Variants in WDR70 observed in about 807,000 individuals in gnomAD.
WDR70 encodes WD repeat-containing protein 70.
WDR70 carries 53 observed loss-of-function variants against 88.6 expected under a neutral mutation model. That is an observed-to-expected ratio of 0.60 (90% CI 0.48 to 0.75). The LOEUF (loss-of-function observed/expected upper bound fraction) is 0.75. Among genes scored for constraint, WDR70 ranks in the 30% least tolerant of loss-of-function variants. WDR70 has a pLI of 0.00. For missense variants in WDR70, 610 were observed against 823.2 expected, an observed-to-expected ratio of 0.74 and a Z score of 3.17; for synonymous variants, 280 against 270.0, an observed-to-expected ratio of 1.04 and a Z score of -0.36.
At chr5:37,676,279 G>C (rs934432437) in intron 10 of WDR70, among the ~76,000 whole-genome samples, 4,902 of 151,424 alleles carry the variant, frequency 0.032, 287 homozygotes, top group African/African-American at 0.11. Flanking sequence ...ATGTTGAATA[G>C]GAGTGGTGAG....
At chr5:37,511,086 G>A (rs1162728280) in intron 8 of WDR70, among the ~76,000 whole-genome samples, 1 of 152,154 alleles carries the variant, frequency 6.6e-6, no homozygotes, top group Non-Finnish European at 1.5e-5. Context: ...TTTGCAGGGA[G>A]ATTTTGAGGC....
chr5:37,727,149 A>C, intron 17 of WDR70, 104 bp downstream of exon 17: 5 of 1,387,864 alleles, frequency 3.6e-6, no homozygotes, highest in Non-Finnish European at 3.9e-6. Context: ...TTCTTATTTC[A>C]TACTTAGATA....
intron 3 of WDR70, among the ~76,000 whole-genome samples, chr5:37,391,312 A>T (rs1215483369): frequency 6.6e-6 from 1 of 152,172 alleles, no homozygotes; most frequent in Non-Finnish European, 1.5e-5. Context: ...TACCATCTTA[A>T]TATTTAAGTG....
At chr5:37,635,311 T>G (rs569804399) in intron 10 of WDR70, among the ~76,000 whole-genome samples, 6 of 152,302 alleles carry the variant, frequency 3.9e-5, no homozygotes, top group Admixed American at 3.9e-4. Flanking sequence ...GATCCTGCAC[T>G]GTGGTGTGGA....
chr5:37,388,637 G>A (rs1389506322), intron 3 of WDR70, among the ~76,000 whole-genome samples: 4 of 150,876 alleles, frequency 2.7e-5, no homozygotes, highest in Non-Finnish European at 5.9e-5. Flanking sequence ...CTGCTCGGGA[G>A]GCTTAGGCAG....
intron 10 of WDR70, among the ~76,000 whole-genome samples, chr5:37,683,711 C>G (rs889042330): frequency 1.3e-5 from 2 of 152,200 alleles, no homozygotes; most frequent in African/African-American, 4.8e-5. Context: ...GAGAGGTCCA[C>G]TCTTAGTTTA....
At chr5:37,467,354 G>A (rs1561863231) in intron 7 of WDR70, among the ~76,000 whole-genome samples, 1 of 151,954 alleles carries the variant, frequency 6.6e-6, no homozygotes, top group Non-Finnish European at 1.5e-5. Context: ...ATTGGAAATG[G>A]CCATCTTCTC....
At chr5:37,384,660 C>CAA (rs70978807) in intron 3 of WDR70, among the ~76,000 whole-genome samples, 10,122 of 59,096 alleles carry the variant, frequency 0.17, 1,720 homozygotes, top group East Asian at 0.31. Flanking sequence ...ACTCTTGTCT[C>CAA]AAAAAAAAAA....
chr5:37,580,078 A>G (rs1248935741), intron 9 of WDR70, among the ~76,000 whole-genome samples: 1 of 152,218 alleles, frequency 6.6e-6, no homozygotes, highest in Non-Finnish European at 1.5e-5. Context: ...ATGGAATTAT[A>G]CTGTCCATAG....
chr5:37,681,518 T>A (rs1018113679), intron 10 of WDR70, among the ~76,000 whole-genome samples: 1 of 152,096 alleles, frequency 6.6e-6, no homozygotes, highest in Admixed American at 6.6e-5. Flanking sequence ...GGTTTCAAGA[T>A]CAATGCATCC....
At chr5:37,399,836 T>C (rs1413776590) in intron 5 of WDR70, among the ~76,000 whole-genome samples, 1 of 151,908 alleles carries the variant, frequency 6.6e-6, no homozygotes, top group East Asian at 1.9e-4. Flanking sequence ...GAGACCCGAG[T>C]AGGTGAGTGT....
chr5:37,714,854 T>G (rs971464824), intron 13 of WDR70, among the ~76,000 whole-genome samples: 4 of 152,220 alleles, frequency 2.6e-5, no homozygotes, highest in Non-Finnish European at 4.4e-5. Flanking sequence ...TGGAGCAAAC[T>G]TTTACTGTTT....
intron 7 of WDR70, among the ~76,000 whole-genome samples, chr5:37,454,364 G>A (rs1263358182): frequency 6.6e-6 from 1 of 152,060 alleles, no homozygotes; most frequent in South Asian, 2.1e-4. Flanking sequence ...TGAATAGTGA[G>A]TTTTATTGCA....
At chr5:37,409,505 CTTTT>C (rs70978811) in intron 5 of WDR70, among the ~76,000 whole-genome samples, 5 of 138,196 alleles carry the variant, frequency 3.6e-5, no homozygotes, top group Non-Finnish European at 8.0e-5. Flanking sequence ...ACTGGCCTTA[CTTTT>C]TTTTTTTTTT....
Position 37,379,485 on chromosome 5 carries a change from C to T in WDR70, c.26-4C>T. On this transcript the variant is annotated splice_polypyrimidine_tract_variant and splice_region_variant and intron_variant, in intron 1 of 17. Coordinates refer to ENST00000265107, the MANE Select transcript of WDR70 (RefSeq NM_018034.4). The stretch of plus-strand genomic sequence containing the variant: ...AGGCCGCCTCTCTTTTCCTCTTGCT[C>T]CAGTGACAGGCTCAGACGCGTCGGG... 2 of 1,613,958 alleles carry T rather than the reference C, an allele frequency of 1.2e-6. No individual in the cohort carries two copies. The highest frequency in any genetic ancestry group is 1.7e-6 in the Non-Finnish European group (2 of 1,179,862).
At chr5:37,415,883 G>T (rs1486370877) in intron 5 of WDR70, among the ~76,000 whole-genome samples, 4 of 147,860 alleles carry the variant, frequency 2.7e-5, no homozygotes, top group Admixed American at 6.8e-5. Context: ...GGGCGGCGGG[G>T]CAGAGACGCT....
intron 9 of WDR70, among the ~76,000 whole-genome samples, chr5:37,545,546 T>TG (rs1039699646): frequency 1.9e-4 from 29 of 152,044 alleles, no homozygotes; most frequent in African/African-American, 6.0e-4. Flanking sequence ...TTTTTGTTTT[T>TG]TTTTTGAGAT....
chr5:37,540,471 T>G (rs1741785151), intron 9 of WDR70, among the ~76,000 whole-genome samples: 1 of 152,232 alleles, frequency 6.6e-6, no homozygotes, highest in Non-Finnish European at 1.5e-5. Context: ...AATCTCCGCC[T>G]CCCAGGTTCA....
chr5:37,399,449 T>C (rs1749131704), intron 5 of WDR70, among the ~76,000 whole-genome samples: 1 of 152,182 alleles, frequency 6.6e-6, no homozygotes, highest in Non-Finnish European at 1.5e-5. Context: ...ATGAAAGTGT[T>C]TTTACAGAAA....
Sources: gnomAD v4.1 joint callset for allele counts (sites outside exome capture counted in the v4.1 genomes callset) on GRCh38, gnomAD v4.1.1 for gene constraint, MANE v1.5 for transcripts, NCBI Gene and HGNC (gene_info 2026-07-23, HGNC 2026-07-21) for gene names.